PSTPIP1: variants seen among roughly 807,000 people sequenced by gnomAD.
The protein encoded by PSTPIP1 is proline-serine-threonine phosphatase interacting protein 1.
A neutral mutation model predicts 69.6 loss-of-function variants in PSTPIP1; 66 were observed. The ratio of observed to expected loss-of-function variants is 0.95; its 90% CI spans 0.78 to 1.16. The LOEUF is 1.16. Among genes scored for constraint, PSTPIP1 ranks in the 50% most tolerant of loss-of-function variants. PSTPIP1 has a pLI of 0.00. For synonymous variants in PSTPIP1, 266 were observed against 222.7 expected (o/e 1.19, Z -1.73); for missense variants, 603 against 557.4 (o/e 1.08, Z -0.82).
rs775226824 is a variant in PSTPIP1, at chr15:77,037,202, C to T, written c.*26C>T. 2 of 1,568,926 alleles carry T rather than the reference C, an allele frequency of 1.3e-6. No individual in the cohort carries two copies. The highest frequency in any genetic ancestry group is 1.9e-5 in the Admixed American group (1 of 52,560). ...GGAAGGGCCAGGAGCCCCTTCGGAC[C>T]TGCCCTGCCAGTGGAGCCAGCAGTG... is the stretch of plus-strand genomic sequence containing the variant. On this transcript the variant is annotated 3_prime_UTR_variant, in exon 15 of 15. Transcript: ENST00000558012.
intron 12 of PSTPIP1, among the ~76,000 whole-genome samples, chr15:77,034,328 G>A (rs532870681): frequency 6.6e-6 from 1 of 152,122 alleles, no homozygotes; most frequent in African/African-American, 2.4e-5. Flanking sequence ...GAGCTGGCAC[G>A]TGTGTCTGCC....
chr15:77,000,905 T>A (rs930992052), intron 1 of PSTPIP1, among the ~76,000 whole-genome samples: 3 of 152,168 alleles, frequency 2.0e-5, no homozygotes, highest in African/African-American at 7.2e-5. Flanking sequence ...ACACATAAAA[T>A]GTACCATCTT....
At chr15:77,003,466 C>T (rs991907239) in intron 1 of PSTPIP1, among the ~76,000 whole-genome samples, 7 of 152,086 alleles carry the variant, frequency 4.6e-5, no homozygotes, top group African/African-American at 1.7e-4. Flanking sequence ...CCAGCCTGGC[C>T]ACCATGGTGA....
chr15:77,028,024 A>AGCCTTGGTCCTCGGACCTCG, intron 6 of PSTPIP1, 110 bp downstream of exon 6: 2 of 1,068,472 alleles, frequency 1.9e-6, no homozygotes, highest in Admixed American at 2.1e-5. Context: ...GGCTGACCTC[A>AGCCTTGGTCCTCGGACCTCG]GCCTTGGTCC....
intron 3 of PSTPIP1, among the ~76,000 whole-genome samples, chr15:77,020,865 CTG>C (rs1491377130): frequency 4.7e-5 from 1 of 21,326 alleles, no homozygotes; most frequent in African/African-American, 1.6e-4. Flanking sequence ...TCTTAGACTC[CTG>C]TGGGGGGGGG....
chr15:77,032,254 C>T (rs2076436137), intron 10 of PSTPIP1, 44 bp from the exon 11 acceptor site: 2 of 1,589,370 alleles, frequency 1.3e-6, no homozygotes, highest in South Asian at 1.1e-5. Flanking sequence ...CACAGAGGGG[C>T]AGAGTGGGCA....
In PSTPIP1 at chr15:77,028,558, A is replaced by G. The variant is rs1469196607; in HGVS notation, c.422A>G (p.Lys141Arg). Residue 141 changes from lysine to arginine, a missense_variant, in exon 7 of 15, where the codon AAG (lysine) becomes AGG (arginine). Lys to Arg is a conservative substitution (Grantham distance 26). Transcript: ENST00000558012. Reference sequence around the variant, plus strand: ...CACGCCCCTCCACACCCCCAGTCCAAGAAGACATACGAGCAGAAGTGCCGG... The same window carrying G: ...CACGCCCCTCCACACCCCCAGTCCAGGAAGACATACGAGCAGAAGTGCCGG... ...LSLYKKAMESKKTYEQKCRDA... is the reference protein window; with the variant it reads ...LSLYKKAMESRKTYEQKCRDA... The G allele has an allele frequency of 6.2e-7, 1 of 1,600,374 alleles. No homozygotes were observed. Among genetic ancestry groups the G allele is most frequent in the South Asian group, 1.1e-5 (1 of 88,872 alleles).
chr15:77,021,044 G>T (rs528463432), intron 3 of PSTPIP1, among the ~76,000 whole-genome samples: 2 of 152,186 alleles, frequency 1.3e-5, no homozygotes, highest in Non-Finnish European at 2.9e-5. Context: ...CTTGCAGAAC[G>T]GGCAGGGGAC....
chr15:76,995,090 G>A (rs559651377), upstream of PSTPIP1: 50 of 1,177,766 alleles, frequency 4.2e-5, no homozygotes, highest in South Asian at 6.7e-4. Flanking sequence ...CTTCCTGTGG[G>A]CGAGGGCCCT....
chr15:77,031,224 C>T lies in PSTPIP1; in HGVS notation c.687C>T (p.Asn229=), dbSNP rs542286074. 300 of 1,613,142 alleles carry T rather than the reference C, an allele frequency of 1.9e-4. 2 individuals are homozygous for T. In the South Asian group the frequency reaches 2.7e-3, roughly 14 times the overall value. ...TTGACCGGCTGACCATTCTCCGCAA[C>T]GCCCTGTGGGTGCACAGCAACCAGC... The part of the protein sequence containing the change: ...QEFDRLTILR[N]ALWVHSNQLS... The change falls in exon 10 of 15, where the codon AAC becomes AAT. Residue 229 remains asparagine, a synonymous_variant. Transcript: ENST00000558012.
At chr15:77,013,543 AC>A (rs1452457359) in intron 1 of PSTPIP1, among the ~76,000 whole-genome samples, 1 of 151,728 alleles carries the variant, frequency 6.6e-6, no homozygotes, top group African/African-American at 2.4e-5. Flanking sequence ...TTTTTTGGTG[AC>A]CCTGCCCCCC....
At chr15:77,018,580 T>C in intron 3 of PSTPIP1, 49 bp downstream of exon 3, 1 of 1,501,314 alleles carries the variant, frequency 6.7e-7, no homozygotes, top group Non-Finnish European at 8.9e-7. Flanking sequence ...TGCTGGCAGT[T>C]TCTGGGCCTT....
intron 5 of PSTPIP1, among the ~76,000 whole-genome samples, chr15:77,026,735 G>A (rs1341546684): frequency 1.3e-5 from 2 of 152,232 alleles, no homozygotes; most frequent in Non-Finnish European, 2.9e-5. Flanking sequence ...GAGCAGACAG[G>A]GGGTCCCCAG....
chr15:77,030,629 G>C, intron 9 of PSTPIP1, 48 bp downstream of exon 9: 1 of 1,540,320 alleles, frequency 6.5e-7, no homozygotes, highest in South Asian at 1.2e-5. Flanking sequence ...GGAAGTGTGA[G>C]ACGCCCATCC....
chr15:77,012,151 ATCCAT>A (rs2075951580), intron 1 of PSTPIP1, among the ~76,000 whole-genome samples: 10 of 95,800 alleles, frequency 1.0e-4, no homozygotes, highest in Non-Finnish European at 1.8e-4. Context: ...CCATCCATCC[ATCCAT>A]CCACCCACCC....
At chr15:77,035,711 G>T in intron 13 of PSTPIP1, 91 bp from the exon 14 acceptor site, 2 of 1,499,600 alleles carry the variant, frequency 1.3e-6, no homozygotes, top group South Asian at 2.5e-5. Flanking sequence ...GGAAGAGGCA[G>T]GGCCCAGCAT....
At chr15:77,013,966 C>G (rs2075997635) in intron 1 of PSTPIP1, among the ~76,000 whole-genome samples, 1 of 152,166 alleles carries the variant, frequency 6.6e-6, no homozygotes, top group Non-Finnish European at 1.5e-5. Context: ...TTTCTTCCAG[C>G]CTGGCCCCAG....
At position 77,008,509 on chromosome 15, in the gene PSTPIP1, A is replaced by C. The variant is rs930112747; in HGVS notation, c.37-9639A>C. 2.8e-4 allele frequency among the ~76,000 whole-genome samples: 43 copies of C among 152,240 alleles called. 1 individual carries two copies. The highest frequency in any genetic ancestry group is 9.6e-4 in the African/African-American group (40 of 41,526). ...ACTGCAACCTCCGTCTCCTGGGCTC[A>C]AGCAATTATCCTGCCTCAGCCTCCC... On this transcript the variant is annotated intron_variant, in intron 1 of 14. Coordinates refer to ENST00000558012, the MANE Select transcript of PSTPIP1 (RefSeq NM_003978.5).
At chr15:77,016,311 T>C (rs2076051696) in intron 1 of PSTPIP1, among the ~76,000 whole-genome samples, 1 of 152,146 alleles carries the variant, frequency 6.6e-6, no homozygotes, top group Non-Finnish European at 1.5e-5. Flanking sequence ...TGCAGGAGGC[T>C]GAGGCCCCAG....
Sources: gnomAD v4.1 joint callset for allele counts (sites outside exome capture counted in the v4.1 genomes callset) on GRCh38, gnomAD v4.1.1 for gene constraint, MANE v1.5 for transcripts, NCBI Gene and HGNC (gene_info 2026-07-23, HGNC 2026-07-21) for gene names.